The following ST8SIA2 variants were observed in gnomAD, a reference collection of about 807,000 sequenced individuals.
ST8SIA2 encodes ST8 alpha-N-acetyl-neuraminide alpha-2,8-sialyltransferase 2.
Under a neutral mutation model 37.6 loss-of-function variants are expected in ST8SIA2, and 22 were observed. That is an observed-to-expected ratio of 0.58 (90% confidence interval 0.42 to 0.83). The LOEUF is 0.83. Among genes scored for constraint, ST8SIA2 ranks in the 40% least tolerant of loss-of-function variants. The probability of loss-of-function intolerance (pLI) is 0.00; values close to 1 mark genes in which losing one functional copy is unlikely to be tolerated. For missense variants in ST8SIA2, 382 were observed against 484.7 expected, an observed-to-expected ratio of 0.79 and a Z score of 1.99; for synonymous variants, 205 against 201.2, an observed-to-expected ratio of 1.02 and a Z score of -0.16.
intron 5 of ST8SIA2, among the ~76,000 whole-genome samples, chr15:92,457,888 C>CT (rs1221888464): frequency 6.6e-6 from 1 of 152,186 alleles, no homozygotes; most frequent in Non-Finnish European, 1.5e-5. Flanking sequence ...CTGTTAACAC[C>CT]TTTTCCAGTT....
At chr15:92,448,206 A>T (rs144763874) in intron 5 of ST8SIA2, among the ~76,000 whole-genome samples, 35 of 152,302 alleles carry the variant, frequency 2.3e-4, no homozygotes, top group African/African-American at 6.7e-4. Context: ...ATACTGCAGG[A>T]GATTAGCCTC....
At chr15:92,459,598 G>GTTGTT (rs767983626) in intron 5 of ST8SIA2, among the ~76,000 whole-genome samples, 6 of 152,154 alleles carry the variant, frequency 3.9e-5, no homozygotes, top group East Asian at 3.9e-4. Context: ...CTCACATGGT[G>GTTGTT]TTGTTTTGTT....
rs990838104 is a variant in ST8SIA2 at position 92,467,120 on chromosome 15, C to T, written c.*2735C>T. 3.9e-5 allele frequency: 6 copies of T among 152,930 alleles called. No individual in the cohort carries two copies. Among genetic ancestry groups the T allele is most frequent in the African/African-American group, 1.4e-4 (6 of 41,444 alleles). 9.5% of individuals were successfully genotyped at this position (152,930 alleles called of 1,614,324 possible). Reference sequence around the variant, plus strand: ...TCAGCCACCCGAGTGGTTCCGACCTCCATTCACCTCAAGCCCCAACAGGCC... The same window carrying T: ...TCAGCCACCCGAGTGGTTCCGACCTTCATTCACCTCAAGCCCCAACAGGCC... On this transcript the variant is annotated 3_prime_UTR_variant, in exon 6 of 6. Transcript: ENST00000268164.
intron 1 of ST8SIA2, among the ~76,000 whole-genome samples, chr15:92,424,398 A>G (rs185040695): frequency 6.7e-6 from 1 of 149,058 alleles, no homozygotes; most frequent in East Asian, 1.9e-4. Context: ...ATTAAAAATG[A>G]AATAAAATAA....
chr15:92,466,209 G>A lies in ST8SIA2; in HGVS notation c.*1824G>A, dbSNP rs1175619153. The stretch of plus-strand genomic sequence containing the variant: ...TGTTGTTGCTTGAAGTCTGTGATTG[G>A]GGATTTGCGTTATAAAATGAATATT... On this transcript the variant is annotated 3_prime_UTR_variant, in exon 6 of 6. Transcript: ENST00000268164. 3 of 152,172 alleles carry A rather than the reference G, an allele frequency of 2.0e-5. No homozygotes were observed. Among genetic ancestry groups the A allele is most frequent in the Admixed American group, 6.5e-5 (1 of 15,276 alleles). 9.4% of individuals were successfully genotyped at this position (152,172 alleles called of 1,614,324 possible).
chr15:92,411,363 C>T (rs750054721), intron 1 of ST8SIA2, among the ~76,000 whole-genome samples: 29 of 151,724 alleles, frequency 1.9e-4, no homozygotes, highest in Non-Finnish European at 3.2e-4. Flanking sequence ...CATTGAGGGT[C>T]GGGCGGGGGT....
intron 1 of ST8SIA2, among the ~76,000 whole-genome samples, chr15:92,425,555 T>C (rs889166064): frequency 6.6e-6 from 1 of 152,218 alleles, no homozygotes; most frequent in Admixed American, 6.5e-5. Flanking sequence ...GATGAAGCAA[T>C]GACTGCCACG....
intron 5 of ST8SIA2, among the ~76,000 whole-genome samples, chr15:92,463,521 C>A (rs754526505): frequency 6.6e-6 from 1 of 152,142 alleles, no homozygotes; most frequent in Admixed American, 6.5e-5. Context: ...AGGGGACGCC[C>A]TGTGGGACTC....
chr15:92,425,377 G>T (rs537810698), intron 1 of ST8SIA2, among the ~76,000 whole-genome samples: 38 of 152,312 alleles, frequency 2.5e-4, no homozygotes, highest in Non-Finnish European at 4.7e-4. Flanking sequence ...CACATAAACT[G>T]CAGGGACGAC....
At chr15:92,454,068 T>C (rs1388149058) in intron 5 of ST8SIA2, among the ~76,000 whole-genome samples, 3 of 152,194 alleles carry the variant, frequency 2.0e-5, no homozygotes. Context: ...ATCCCTGTCA[T>C]ACAGAGTTGG....
chr15:92,404,944 G>A (rs928874428), intron 1 of ST8SIA2, among the ~76,000 whole-genome samples: 15 of 151,950 alleles, frequency 9.9e-5, no homozygotes, highest in East Asian at 1.9e-4. Context: ...CCAGGTATCC[G>A]TCAATGAGTG....
rs149705917 is a variant in ST8SIA2, at chr15:92,452,241, C to T, written c.842+7312C>T. ...AGCATCACTGGGAACTTGTTAGAGA[C>T]GCACATTCTCAGGCCCACCCCAGAC... On this transcript the variant is annotated intron_variant, in intron 5 of 5. Coordinates refer to ENST00000268164, the MANE Select transcript of ST8SIA2 (RefSeq NM_006011.4). 2.6e-3 allele frequency among the ~76,000 whole-genome samples: 403 copies of T among 152,292 alleles called. 3 individuals are homozygous for T. Among genetic ancestry groups the T allele is most frequent in the Admixed American group, 4.6e-3 (71 of 15,308 alleles).
chr15:92,434,315 A>T lies in ST8SIA2; in HGVS notation c.230A>T (p.His77Leu), dbSNP rs1362771215. 3.7e-6 allele frequency: 6 copies of T among 1,614,062 alleles called. No homozygotes were observed. Among genetic ancestry groups the T allele is most frequent in the Non-Finnish European group, 5.1e-6 (6 of 1,180,050 alleles). Residue 77 changes from histidine (H) to leucine (L), a missense_variant, in exon 3 of 6, where the codon CAC becomes CTC. Physicochemically the swap from His to Leu is moderately conservative, Grantham distance 99. Transcript: ENST00000268164. ...VVDRSNESIK[H>L]NIQPASSKWR... The stretch of plus-strand genomic sequence containing the variant: ...GACAGAAGTAATGAAAGCATCAAGC[A>T]CAACATCCAGCCAGCCTCGTCCAAA...
chr15:92,444,965 C>T (rs1213484280), intron 5 of ST8SIA2, 36 bp downstream of exon 5: 2 of 1,602,972 alleles, frequency 1.2e-6, no homozygotes, highest in Admixed American at 3.3e-5. Context: ...AGGACCGTCA[C>T]TAAGTGTGGG....
intron 1 of ST8SIA2, among the ~76,000 whole-genome samples, chr15:92,412,694 G>T (rs563668217): frequency 6.6e-6 from 1 of 152,096 alleles, no homozygotes; most frequent in Non-Finnish European, 1.5e-5. Context: ...GTCTTGCTCT[G>T]TCACCCAGGC....
At chr15:92,428,742 T>C (rs932689995) in intron 1 of ST8SIA2, among the ~76,000 whole-genome samples, 4 of 152,230 alleles carry the variant, frequency 2.6e-5, no homozygotes, top group Admixed American at 2.6e-4. Context: ...AACGTTACTC[T>C]TTGTAATTGA....
intron 2 of ST8SIA2, 35 bp downstream of exon 2, chr15:92,430,146 G>C (rs1421112994): frequency 6.2e-7 from 1 of 1,602,352 alleles, no homozygotes; most frequent in African/African-American, 1.3e-5. Context: ...ATTTGTTTTT[G>C]CTGTAAGGCA....
chr15:92,434,131 A>G lies in ST8SIA2; in HGVS notation c.162-116A>G, dbSNP rs995616046. On this transcript the variant is annotated intron_variant, in intron 2 of 5. Coordinates refer to ENST00000268164, the MANE Select transcript of ST8SIA2 (RefSeq NM_006011.4). ...CTTCTCTTCTCAGGTAATAACTGCA[A>G]TTTTGCTCTTCTGGAGAAGTTTACA... The G allele has an allele frequency of 1.4e-5, 20 of 1,458,060 alleles. No individual in the cohort carries two copies. In the African/African-American group the frequency reaches 1.8e-4, roughly 13 times the overall value. The allele number at this position is 1,458,060 out of a possible 1,614,324, so 90.3% of individuals were successfully genotyped here. A position where few individuals can be genotyped will look rare whatever the true frequency, so the allele number is the denominator to read the frequency against.
At chr15:92,412,679 A>G (rs2049558377) in intron 1 of ST8SIA2, among the ~76,000 whole-genome samples, 1 of 152,052 alleles carries the variant, frequency 6.6e-6, no homozygotes, top group Non-Finnish European at 1.5e-5. Context: ...TTGTTTTGAG[A>G]CAGGGTCTTG....
Sources: gnomAD v4.1 joint callset for allele counts (sites outside exome capture counted in the v4.1 genomes callset) on GRCh38, gnomAD v4.1.1 for gene constraint, MANE v1.5 for transcripts, NCBI Gene and HGNC (gene_info 2026-07-23, HGNC 2026-07-21) for gene names.